SCMH1: variants seen among roughly 807,000 people sequenced by gnomAD.
SCMH1 encodes Scm polycomb group protein homolog 1, also known as polycomb protein SCMH1.
Under a neutral mutation model 70.8 loss-of-function variants are expected in SCMH1, and 37 were observed. The ratio of observed to expected loss-of-function variants is 0.52; its 90% CI spans 0.40 to 0.69. SCMH1 has a LOEUF of 0.69. SCMH1 is among the 30% of genes least tolerant of loss of function. The pLI is 0.00. For missense variants in SCMH1, 607 were observed against 827.3 expected (o/e 0.73, Z 3.27); for synonymous variants, 292 against 307.4 (o/e 0.95, Z 0.52).
At chr1:41,166,995 T>C (rs970342573) in intron 2 of SCMH1, among the ~76,000 whole-genome samples, 2 of 152,112 alleles carry the variant, frequency 1.3e-5, no homozygotes, top group African/African-American at 4.8e-5. Flanking sequence ...TATATGGCCT[T>C]TATTGTGTTG....
intron 6 of SCMH1, among the ~76,000 whole-genome samples, chr1:41,121,760 A>G (rs961030321): frequency 2.6e-5 from 4 of 152,222 alleles, no homozygotes; most frequent in African/African-American, 7.2e-5. Flanking sequence ...AATAAGTTTA[A>G]GACAGTACTC....
At chr1:41,162,752 G>C (rs954227591) in intron 2 of SCMH1, 1 of 152,184 alleles carries the variant, frequency 6.6e-6, no homozygotes, top group Non-Finnish European at 1.5e-5. Flanking sequence ...GCTGAGAAGT[G>C]AGTGAACACT....
chr1:41,127,938 GA>G (rs960178057), intron 6 of SCMH1, among the ~76,000 whole-genome samples: 3 of 151,400 alleles, frequency 2.0e-5, no homozygotes, highest in South Asian at 2.1e-4. Flanking sequence ...AGAACTGTGA[GA>G]AAAAAAAATC....
At chr1:41,200,511 A>AAT (rs1162642305) in intron 1 of SCMH1, among the ~76,000 whole-genome samples, 1 of 145,354 alleles carries the variant, frequency 6.9e-6, no homozygotes, top group African/African-American at 2.5e-5. Context: ...TAATAATAAT[A>AAT]ATAATATAAT....
At chr1:41,028,838 G>C (rs1558253777) in intron 13 of SCMH1, 112 bp from the exon 15 acceptor site, 1 of 1,170,436 alleles carries the variant, frequency 8.5e-7, no homozygotes, top group Non-Finnish European at 1.2e-6. Context: ...AGTAGTGCCA[G>C]ACGATGAGCT....
chr1:41,205,223 C>G (rs780677348), intron 1 of SCMH1, among the ~76,000 whole-genome samples: 9 of 152,162 alleles, frequency 5.9e-5, no homozygotes, highest in Non-Finnish European at 7.3e-5. Context: ...GGAGGGCAAG[C>G]CGAAGCATGA....
At chr1:41,227,269 G>T (rs913767030) in intron 1 of SCMH1, among the ~76,000 whole-genome samples, 10 of 152,164 alleles carry the variant, frequency 6.6e-5, no homozygotes, top group Non-Finnish European at 2.9e-5. Flanking sequence ...AGCACATGCT[G>T]TTTGCTCTGC....
chr1:41,044,793 A>G (rs1646694731), intron 12 of SCMH1, among the ~76,000 whole-genome samples: 2 of 151,972 alleles, frequency 1.3e-5, no homozygotes, highest in Admixed American at 6.6e-5. Context: ...AATCAGAGAG[A>G]TGTAAATTGG....
chr1:41,181,517 C>A (rs958283720), intron 2 of SCMH1, among the ~76,000 whole-genome samples: 1 of 152,266 alleles, frequency 6.6e-6, no homozygotes, highest in East Asian at 1.9e-4. Flanking sequence ...AAACACACAA[C>A]CCCATCAAAA....
intron 1 of SCMH1, among the ~76,000 whole-genome samples, chr1:41,227,098 T>C (rs114361581): frequency 0.02 from 3,094 of 152,322 alleles, 102 homozygotes; most frequent in African/African-American, 0.071. Context: ...TGGCTTTCCA[T>C]TGCACTGATA....
intron 1 of SCMH1, among the ~76,000 whole-genome samples, chr1:41,229,386 T>C (rs11209726): frequency 0.24 from 35,754 of 152,086 alleles, 5,023 homozygotes; most frequent in Non-Finnish European, 0.31. Context: ...GTGGCACATA[T>C]ACACCATGGA....
intron 6 of SCMH1, among the ~76,000 whole-genome samples, chr1:41,137,727 C>T (rs1183234590): frequency 6.6e-6 from 1 of 152,228 alleles, no homozygotes; most frequent in Non-Finnish European, 1.5e-5. Flanking sequence ...AGTGATTTCT[C>T]TGTCATTGAG....
At chr1:41,232,710 C>T (rs1661547630) in intron 1 of SCMH1, among the ~76,000 whole-genome samples, 1 of 152,114 alleles carries the variant, frequency 6.6e-6, no homozygotes, top group Non-Finnish European at 1.5e-5. Flanking sequence ...TTATACGTTT[C>T]AACATATTTG....
At chr1:41,229,724 G>C (rs1304065423) in intron 1 of SCMH1, among the ~76,000 whole-genome samples, 1 of 151,902 alleles carries the variant, frequency 6.6e-6, no homozygotes, top group Non-Finnish European at 1.5e-5. Context: ...ATGTACCCTA[G>C]AAATTAAAGT....
Position 41,075,211 on chromosome 1 carries a change from T to C in SCMH1, c.978+8A>G. 3.1e-6 allele frequency: 5 copies of C among 1,613,880 alleles called. No individual in the cohort carries two copies. Among genetic ancestry groups the C allele is most frequent in the Non-Finnish European group, 8.5e-7 (1 of 1,179,778 alleles). On this transcript the variant is annotated splice_region_variant and intron_variant, in intron 9 of 14. Transcript: ENST00000337495. ...TATTCCTTTCTGGGAAACCCACATTTTACCTACCTTGCTGCCAGGTTTGGG... is the reference window on the plus strand; with the variant it reads ...TATTCCTTTCTGGGAAACCCACATTCTACCTACCTTGCTGCCAGGTTTGGG...
At chr1:41,126,400 A>T (rs1340745383) in intron 6 of SCMH1, among the ~76,000 whole-genome samples, 1 of 152,106 alleles carries the variant, frequency 6.6e-6, no homozygotes, top group Non-Finnish European at 1.5e-5. Flanking sequence ...AATTTTATTT[A>T]TTAAGTAAAA....
chr1:41,189,402 C>T (rs986588541), intron 1 of SCMH1, among the ~76,000 whole-genome samples: 3 of 152,204 alleles, frequency 2.0e-5, no homozygotes, highest in East Asian at 1.9e-4. Flanking sequence ...CCACCCGCCT[C>T]GGCCTCCCAA....
chr1:41,228,513 T>G (rs1660688718), intron 1 of SCMH1, among the ~76,000 whole-genome samples: 1 of 152,126 alleles, frequency 6.6e-6, no homozygotes, highest in East Asian at 1.9e-4. Flanking sequence ...CCAAGCACAG[T>G]GGCTCACGCC....
intron 1 of SCMH1, among the ~76,000 whole-genome samples, chr1:41,193,812 T>C (rs1321529050): frequency 1.3e-5 from 2 of 152,202 alleles, no homozygotes; most frequent in Non-Finnish European, 2.9e-5. Context: ...GTATATTATA[T>C]ATTGAGGACT....
Sources: gnomAD v4.1 joint callset for allele counts (sites outside exome capture counted in the v4.1 genomes callset) on GRCh38, gnomAD v4.1.1 for gene constraint, MANE v1.5 for transcripts, NCBI Gene and HGNC (gene_info 2026-07-23, HGNC 2026-07-21) for gene names.